KRT10: variants seen among roughly 807,000 people sequenced by gnomAD.
KRT10 encodes keratin 10, also known as keratin, type I cytoskeletal 10.
In KRT10, 40 loss-of-function variants were observed where a neutral mutation model predicts 59.2. That is an observed-to-expected ratio of 0.68 (90% CI 0.52 to 0.88). The LOEUF is 0.88. Ranked by LOEUF, KRT10 falls within the 40% of genes least tolerant of loss-of-function variation. KRT10 has a pLI of 0.00. For synonymous variants in KRT10, 336 were observed against 310.7 expected, an observed-to-expected ratio of 1.08 and a Z score of -0.86; for missense variants, 719 against 749.1, an observed-to-expected ratio of 0.96 and a Z score of 0.47.
rs372303962 is a variant in KRT10 at position 40,822,587 on chromosome 17, G to A, written c.-2C>T. ...GCTTGAGCTGTATCGAACAGACATG[G>A]TGATGCTGTTTAGCCCAGGGAGTGC... On this transcript the variant is annotated 5_prime_UTR_variant, in exon 1 of 8. Coordinates refer to ENST00000269576, the MANE Select transcript of KRT10 (RefSeq NM_000421.5). 5.6e-5 allele frequency: 90 copies of A among 1,600,434 alleles called. No individual in the cohort carries two copies. The highest frequency in any genetic ancestry group is 7.1e-5 in the Non-Finnish European group (84 of 1,179,938).
In KRT10 at chr17:40,820,411, G is replaced by A; in HGVS notation, c.880C>T (p.Leu294Phe). 6.2e-7 allele frequency: 1 copy of A among 1,614,194 alleles called. No homozygotes were observed. The highest frequency in any genetic ancestry group is 1.3e-5 in the African/African-American group (1 of 75,038). Residue 294 changes from leucine to phenylalanine, a missense_variant, in exon 4 of 8, where the codon CTT (leucine) becomes TTT (phenylalanine). By Grantham distance (22) the Leu-to-Phe change is conservative. Around this residue, in one of 4 missense-constraint regions of KRT10, gnomAD observed 221 missense variants for 277.8 expected, o/e 0.80. Coordinates refer to ENST00000269576, the MANE Select transcript of KRT10 (RefSeq NM_000421.5). ...ACATCACCAGTGGACACATTTCGAAGGTCTTTCATTTCCTGTTTGAGGAAC... is the reference window on the plus strand; with the variant it reads ...ACATCACCAGTGGACACATTTCGAAAGTCTTTCATTTCCTGTTTGAGGAAC... ...KKNHEEEMKDLRNVSTGDVNV... is the reference protein window; with the variant it reads ...KKNHEEEMKDFRNVSTGDVNV...
chr17:40,818,233 C>A lies in KRT10; in HGVS notation c.*243G>T. 2.1e-6 allele frequency: 1 copy of A among 473,284 alleles called. No individual in the cohort carries two copies. 29.3% of individuals were successfully genotyped at this position (473,284 alleles called of 1,614,324 possible). A position where few individuals can be genotyped will look rare whatever the true frequency, so the allele number is the denominator to read the frequency against. ...AAGTGAAAAGAAGAAATACAGAAAC[C>A]ACAAAACACCTTGTAGACACCTTAT... On this transcript the variant is annotated 3_prime_UTR_variant, in exon 8 of 8. Transcript: ENST00000269576.
Position 40,818,920 on chromosome 17 carries a change from C to CGCCGCCGCCGGAACTGCCACCACCGTA in KRT10, c.1588_1614dup (p.Tyr530_Gly538dup). On this transcript the variant is annotated inframe_insertion, in exon 7 of 8. Coordinates refer to ENST00000269576, the MANE Select transcript of KRT10 (RefSeq NM_000421.5). Reference sequence around the variant, plus strand: ...GAGCTGCCGCCCCCGTAGCCGCCGCCGCCGCCGCCGGAACTGCCACCACCG... The same window carrying CGCCGCCGCCGGAACTGCCACCACCGTA: ...GAGCTGCCGCCCCCGTAGCCGCCGCCGCCGCCGCCGGAACTGCCACCACCGTAGCCGCCGCCGGAACTGCCACCACCG... 2.9e-6 allele frequency: 4 copies of CGCCGCCGCCGGAACTGCCACCACCGTA among 1,381,658 alleles called. No individual in the cohort carries two copies. The highest frequency in any genetic ancestry group is 3.8e-6 in the Non-Finnish European group (4 of 1,055,262). 85.6% of individuals were successfully genotyped at this position (1,381,658 alleles called of 1,614,324 possible).
intron 5 of KRT10, 54 bp downstream of exon 5, chr17:40,819,995 G>A: frequency 6.2e-7 from 1 of 1,602,934 alleles, no homozygotes; most frequent in Non-Finnish European, 8.5e-7. Flanking sequence ...ATTCTTAGGT[G>A]AGCATGAAAC....
At chr17:40,820,487 G>A in intron 3 of KRT10, 24 bp downstream of exon 3, 1 of 1,614,136 alleles carries the variant, frequency 6.2e-7, no homozygotes, top group East Asian at 2.2e-5. Flanking sequence ...CTTTTGGCTG[G>A]GAAAAGTATA....
At position 40,819,440 on chromosome 17, in the gene KRT10, C is replaced by T. The variant is rs1905240519; in HGVS notation, c.1373+77G>A. ...CCTTCCTCTCATTCTCTGGCATCTT[C>T]TTGGGGTTTAGATAAGCCTTGCTAT... On this transcript the variant is annotated intron_variant, in intron 6 of 7. Transcript: ENST00000269576. The T allele has an allele frequency of 2.1e-6, 3 of 1,419,896 alleles. No homozygotes were observed. In the Admixed American group the frequency reaches 5.1e-5, roughly 24 times the overall value. The allele number at this position is 1,419,896 out of a possible 1,614,324, so 88.0% of individuals were successfully genotyped here.
chr17:40,822,076 T>C lies in KRT10; in HGVS notation c.510A>G (p.Ser170=). The C allele has an allele frequency of 1.9e-6, 3 of 1,614,186 alleles. No individual in the cohort carries two copies. Among genetic ancestry groups the C allele is most frequent in the Non-Finnish European group, 2.5e-6 (3 of 1,180,038 alleles). ...YLDKVRALEE[S]NYELEGKIKE... is the part of the protein sequence containing the mutation. ...TGATTTTGCCTTCCAGCTCATAGTTTGATTCTTCCAGAGCCCGAACTTTGT... is the reference window on the plus strand; with the variant it reads ...TGATTTTGCCTTCCAGCTCATAGTTCGATTCTTCCAGAGCCCGAACTTTGT... The change falls in exon 1 of 8, where the codon TCA becomes TCG. Residue 170 remains serine, a synonymous_variant. Transcript: ENST00000269576.
In KRT10 at chr17:40,822,202, T is replaced by C; in HGVS notation, c.384A>G (p.Gly128=). Residue 128 remains glycine, a synonymous_variant, in exon 1 of 8, where the codon GGA becomes GGG. Coordinates refer to ENST00000269576, the MANE Select transcript of KRT10 (RefSeq NM_000421.5). The part of the protein sequence containing the change: ...GGGGFGGGGF[G]GGFGGGFGGD... Reference sequence around the variant, plus strand: ...CTCCAAATCCACCACCAAAGCCTCCTCCAAAGCCGCCTCCACCAAAGCCGC... The same window carrying C: ...CTCCAAATCCACCACCAAAGCCTCCCCCAAAGCCGCCTCCACCAAAGCCGC... The C allele has an allele frequency of 6.2e-7, 1 of 1,613,302 alleles. No individual in the cohort carries two copies.
At position 40,818,934 on chromosome 17, in the gene KRT10, C is replaced by G; in HGVS notation, c.1601G>C (p.Ser534Thr). Residue 534 changes from serine (S) to threonine (T), a missense_variant, in exon 7 of 8, where the codon AGT (serine) becomes ACT (threonine). Around this residue, in one of 4 missense-constraint regions of KRT10, gnomAD observed 315 missense variants for 270.6 expected, o/e 1.16. Coordinates refer to ENST00000269576, the MANE Select transcript of KRT10 (RefSeq NM_000421.5). ...GSSSGGYGGG[S>T]SGGGGGGYGG... ...GTAGCCGCCGCCGCCGCCGCCGGAA[C>G]TGCCACCACCGTAGCCGCCGCTGGA... 1 of 1,377,544 alleles carries G rather than the reference C, an allele frequency of 7.3e-7. No homozygotes were observed. The allele number at this position is 1,377,544 out of a possible 1,614,324, so 85.3% of individuals were successfully genotyped here.
At position 40,822,612 on chromosome 17, in the gene KRT10, C is replaced by A. The variant is rs1259548046; in HGVS notation, c.-27G>T. 6.3e-7 allele frequency: 1 copy of A among 1,599,234 alleles called. No individual in the cohort carries two copies. Among genetic ancestry groups the A allele is most frequent in the Non-Finnish European group, 8.5e-7 (1 of 1,179,924 alleles). ...GTGATGCTGTTTAGCCCAGGGAGTGCCTGCTACCAAGGACAGTGACAAGCC... is the reference window on the plus strand; with the variant it reads ...GTGATGCTGTTTAGCCCAGGGAGTGACTGCTACCAAGGACAGTGACAAGCC... On this transcript the variant is annotated 5_prime_UTR_variant, in exon 1 of 8. Coordinates refer to ENST00000269576, the MANE Select transcript of KRT10 (RefSeq NM_000421.5).
In KRT10 at chr17:40,819,129, A is replaced by C. The variant is rs1367501920; in HGVS notation, c.1406T>G (p.Phe469Cys). Reference protein sequence around the residue: ...SGGGGRGGGSFGGGYGGGSSG... With the variant: ...SGGGGRGGGSCGGGYGGGSSG... The stretch of plus-strand genomic sequence containing the variant: ...GCTTCCGCCGCCGTAGCCGCCGCCG[A>C]AACTTCCGCCGCCGCGTCCGCCGCC... The change falls in exon 7 of 8, where the codon TTC (phenylalanine) becomes TGC (cysteine). Residue 469 changes from phenylalanine (F) to cysteine (C), a missense_variant. This residue lies in a region of KRT10 where 315 missense variants were observed against 270.6 expected (regional missense o/e 1.16). Transcript: ENST00000269576. The C allele has an allele frequency of 4.6e-6, 7 of 1,523,238 alleles. No homozygotes were observed. Among genetic ancestry groups the C allele is most frequent in the Non-Finnish European group, 6.1e-6 (7 of 1,147,144 alleles). 94.4% of individuals were successfully genotyped at this position (1,523,238 alleles called of 1,614,324 possible). A position where few individuals can be genotyped will look rare whatever the true frequency, so the allele number is the denominator to read the frequency against.
chr17:40,822,556 G>A lies in KRT10; in HGVS notation c.30C>T (p.His10=), dbSNP rs1159656634. ...CTCCTCCACTGCGGGAGGAAGAGTA[G>A]TGCTTGCTTGAGCTGTATCGAACAG... MSVRYSSSK[H]YSSSRSGGGG... is the part of the protein sequence containing the mutation. Residue 10 remains histidine (H), a synonymous_variant, in exon 1 of 8, where the codon CAC becomes CAT. Coordinates refer to ENST00000269576, the MANE Select transcript of KRT10 (RefSeq NM_000421.5). 1 of 1,604,408 alleles carries A rather than the reference G, an allele frequency of 6.2e-7. No individual in the cohort carries two copies. The highest frequency in any genetic ancestry group is 8.5e-7 in the Non-Finnish European group (1 of 1,179,976).
At position 40,819,591 on chromosome 17, in the gene KRT10, T is replaced by C. The variant is rs1905252734; in HGVS notation, c.1299A>G (p.Gln433=). ...GTCGGATCTTAATATCCAGGAGTTG[T>C]TGGTATTCAGTATTCTGGCACTCGG... ...AETECQNTEY[Q]QLLDIKIRLE... The change falls in exon 6 of 8, where the codon CAA becomes CAG. Residue 433 remains glutamine (Q), a synonymous_variant. Transcript: ENST00000269576. 2 of 1,614,238 alleles carry C rather than the reference T, an allele frequency of 1.2e-6. No individual in the cohort carries two copies. Among genetic ancestry groups the C allele is most frequent in the East Asian group, 2.2e-5 (1 of 44,892 alleles).
chr17:40,820,631 C>T lies in KRT10; in HGVS notation c.747G>A (p.Glu249=). ...ENEVALRQSV[E]ADINGLRRVL... ...CCCTACGCAGGCCGTTGATGTCAGC[C>T]TCCACGCTCTGGCGCAGAGCTACCT... The change falls in exon 3 of 8, where the codon GAG becomes GAA. Residue 249 remains glutamate, a synonymous_variant. Transcript: ENST00000269576. 6.2e-7 allele frequency: 1 copy of T among 1,614,224 alleles called. No individual in the cohort carries two copies. The highest frequency in any genetic ancestry group is 8.5e-7 in the Non-Finnish European group (1 of 1,180,048).
chr17:40,822,348 A>G lies in KRT10; in HGVS notation c.238T>C (p.Phe80Leu). ...CTTCCACGAAAGCTACCTCCACCAA[A>G]ACCTCCTAATCCTCCATAGCCACCT... ...SSGGYGGLGGFGGGSFRGSYG... is the reference protein window; with the variant it reads ...SSGGYGGLGGLGGGSFRGSYG... The change falls in exon 1 of 8, where the codon TTT (phenylalanine) becomes CTT (leucine). Residue 80 changes from phenylalanine to leucine, a missense_variant. Around this residue, in one of 4 missense-constraint regions of KRT10, gnomAD observed 176 missense variants for 175.7 expected, o/e 1.00. Coordinates refer to ENST00000269576, the MANE Select transcript of KRT10 (RefSeq NM_000421.5). The G allele has an allele frequency of 6.3e-7, 1 of 1,597,272 alleles. No individual in the cohort carries two copies. The highest frequency in any genetic ancestry group is 1.1e-5 in the South Asian group (1 of 89,162).
chr17:40,818,507 T>C, intron 7 of KRT10, 25 bp from the exon 8 acceptor site: 1 of 1,481,176 alleles, frequency 6.8e-7, no homozygotes, highest in South Asian at 1.1e-5. Context: ...GAAAAAAAAT[T>C]TTAAACAGTC....
At chr17:40,819,310 C>G in intron 6 of KRT10, 149 bp from the exon 7 acceptor site, 1 of 1,479,250 alleles carries the variant, frequency 6.8e-7, no homozygotes. Context: ...CCTTTGAAAA[C>G]AATGTTAAGT....
Position 40,818,848 on chromosome 17 carries a change from T to TGCCGCCGCCGTATCCGCCGCC in KRT10, c.1686_1687insGGCGGCGGATACGGCGGCGGC (p.Ser562_Ser563insGlyGlyGlyTyrGlyGlyGly). ...GAAGAGGAGGACTTGTGGCCTCCGC[T>TGCCGCCGCCGTATCCGCCGCC]GGAGCTGCCGCCGCCGTATCCGCCG... On this transcript the variant is annotated inframe_insertion, in exon 7 of 8. Coordinates refer to ENST00000269576, the MANE Select transcript of KRT10 (RefSeq NM_000421.5). 8.5e-7 allele frequency: 1 copy of TGCCGCCGCCGTATCCGCCGCC among 1,175,500 alleles called. No individual in the cohort carries two copies. Among genetic ancestry groups the TGCCGCCGCCGTATCCGCCGCC allele is most frequent in the Non-Finnish European group, 1.1e-6 (1 of 890,624 alleles). 72.8% of individuals were successfully genotyped at this position (1,175,500 alleles called of 1,614,324 possible). A position where few individuals can be genotyped will look rare whatever the true frequency, so the allele number is the denominator to read the frequency against.
chr17:40,820,169 C>T lies in KRT10; in HGVS notation c.1035G>A (p.Lys345=). ...DAEAWFNEKS[K]ELTTEIDNNI... is the part of the protein sequence containing the mutation. ...TATTATCAATTTCTGTAGTCAGTTCCTTGCTCTAGAGTATTAAAAACAAGG... is the reference window on the plus strand; with the variant it reads ...TATTATCAATTTCTGTAGTCAGTTCTTTGCTCTAGAGTATTAAAAACAAGG... Residue 345 remains lysine (K), a synonymous_variant, in exon 5 of 8, where the codon AAG becomes AAA. Transcript: ENST00000269576. 6.2e-7 allele frequency: 1 copy of T among 1,614,064 alleles called. No individual in the cohort carries two copies. The highest frequency in any genetic ancestry group is 1.3e-5 in the African/African-American group (1 of 75,012).
Sources: gnomAD v4.1 joint callset for allele counts on GRCh38, gnomAD v4.1.1 for gene constraint, gnomAD v4.1.1 regional missense constraint, MANE v1.5 for transcripts, NCBI Gene and HGNC (gene_info 2026-07-23, HGNC 2026-07-21) for gene names.